The following BRF1 variants were observed in gnomAD, a reference collection of about 807,000 sequenced individuals.
The protein encoded by BRF1 is transcription factor IIIB 90 kDa subunit.
A neutral mutation model predicts 81.7 loss-of-function variants in BRF1; 59 were observed. The ratio of observed to expected loss-of-function variants is 0.72; its 90% CI spans 0.59 to 0.90. BRF1 has a LOEUF of 0.90. BRF1 is among the 40% of genes least tolerant of loss of function. The pLI is 0.00. For synonymous variants in BRF1, 491 were observed against 395.6 expected, an observed-to-expected ratio of 1.24 and a Z score of -2.86; for missense variants, 1,050 against 936.3, an observed-to-expected ratio of 1.12 and a Z score of -1.58.
At chr14:105,241,491 G>T (rs767737609) in intron 5 of BRF1, 77 bp from the exon 6 acceptor site, 1 of 1,577,958 alleles carries the variant, frequency 6.3e-7, no homozygotes, top group Non-Finnish European at 8.6e-7. Flanking sequence ...CAGCCCAGGG[G>T]TGGGGCAACC....
At chr14:105,282,021 AT>A (rs1418694511) in intron 2 of BRF1, among the ~76,000 whole-genome samples, 2 of 152,204 alleles carry the variant, frequency 1.3e-5, no homozygotes, top group African/African-American at 4.8e-5. Flanking sequence ...ACCTAGCGGC[AT>A]TTCAGAACCG....
chr14:105,222,229 T>G (rs960887568), intron 10 of BRF1: 2 of 286,304 alleles, frequency 7.0e-6, no homozygotes, highest in Non-Finnish European at 1.3e-5. Context: ...CATAAAACAC[T>G]GATAAAACGG....
upstream of BRF1, among the ~76,000 whole-genome samples, chr14:105,302,145 TC>T (rs1457158804): frequency 1.4e-5 from 2 of 143,040 alleles, no homozygotes; most frequent in Non-Finnish European, 1.5e-5. Flanking sequence ...AAACTCTGTC[TC>T]AAAAAAAAAA....
intron 3 of BRF1, among the ~76,000 whole-genome samples, chr14:105,264,472 G>A (rs902374006): frequency 6.6e-6 from 1 of 151,844 alleles, no homozygotes; most frequent in Non-Finnish European, 1.5e-5. Flanking sequence ...GGACCATCCT[G>A]GCTAACACAG....
At chr14:105,266,104 T>A (rs906887130) in intron 3 of BRF1, among the ~76,000 whole-genome samples, 1 of 151,878 alleles carries the variant, frequency 6.6e-6, no homozygotes, top group African/African-American at 2.4e-5. Flanking sequence ...AACCGTGTGA[T>A]GTAACGAAAC....
chr14:105,247,854 T>G (rs2055228754), intron 5 of BRF1: 2 of 985,656 alleles, frequency 2.0e-6, no homozygotes, highest in African/African-American at 3.5e-5. Context: ...AAGTCTGGTC[T>G]CCTCATCAGC....
intron 5 of BRF1, chr14:105,241,787 CG>C: frequency 7.7e-6 from 2 of 260,710 alleles, no homozygotes; most frequent in South Asian, 9.9e-5. Flanking sequence ...GCAAGACAGG[CG>C]TGGGCTGGGT....
chr14:105,226,874 C>T (rs938093433), intron 7 of BRF1, 114 bp from the exon 8 acceptor site: 24 of 1,518,654 alleles, frequency 1.6e-5, no homozygotes, highest in Non-Finnish European at 1.4e-5. Flanking sequence ...TTTGGGAGCC[C>T]AAGGTGGGTG....
intron 3 of BRF1, among the ~76,000 whole-genome samples, chr14:105,257,242 A>G (rs2055923688): frequency 6.6e-6 from 1 of 152,214 alleles, no homozygotes. Flanking sequence ...AGACAGCTGA[A>G]GTGCACATCT....
chr14:105,313,293 C>G (rs587623882), intron 1 of BRF1, among the ~76,000 whole-genome samples: 3 of 152,314 alleles, frequency 2.0e-5, no homozygotes, highest in African/African-American at 7.2e-5. Context: ...TCACAGACAG[C>G]CTGTCCTCCT....
rs752677725 is a variant in BRF1, at chr14:105,250,636, G to A, written c.544+1871C>T. 1.9e-6 allele frequency: 3 copies of A among 1,613,076 alleles called. No homozygotes were observed. The African/African-American group carries it at 4.0e-5, about 22-fold the overall frequency. ...ACAGCACCAACGGGACTGGGGTCCA[G>A]GGTGGGCAGATCCCTGAGCTCATTT... On this transcript the variant is annotated intron_variant, in intron 5 of 17. Transcript: ENST00000547530.
Position 105,300,814 on chromosome 14 carries a change from G to C in BRF1, c.-185C>G, listed in dbSNP as rs1056579075. On this transcript the variant is annotated 5_prime_UTR_variant, in exon 1 of 18. Transcript: ENST00000547530. ...GCGCCCGGGCCGCGCCGCCCGCAAC[G>C]GCCGCGCCCGCGGGATGGGACAGGC... 4.8e-5 allele frequency: 11 copies of C among 231,474 alleles called. No individual in the cohort carries two copies. In the South Asian group the frequency reaches 9.9e-4, roughly 21 times the overall value. 14.3% of individuals were successfully genotyped at this position (231,474 alleles called of 1,614,324 possible). A position where few individuals can be genotyped will look rare whatever the true frequency, so the allele number is the denominator to read the frequency against.
chr14:105,226,416 T>C, intron 8 of BRF1, 126 bp from the exon 9 acceptor site: 1 of 1,466,670 alleles, frequency 6.8e-7, no homozygotes, highest in Non-Finnish European at 9.5e-7. Context: ...GCGATGGAGG[T>C]GGAGCTATGG....
intron 6 of BRF1, among the ~76,000 whole-genome samples, chr14:105,229,456 C>A (rs147862491): frequency 6.6e-6 from 1 of 152,302 alleles, no homozygotes; most frequent in Admixed American, 6.5e-5. Flanking sequence ...TCTGTGGGCA[C>A]GAGGGTAAGG....
intron 5 of BRF1, among the ~76,000 whole-genome samples, chr14:105,245,827 A>C (rs923180095): frequency 1.3e-5 from 2 of 152,230 alleles, no homozygotes; most frequent in African/African-American, 4.8e-5. Flanking sequence ...CCTTAGAAGA[A>C]AACAAAGGGA....
chr14:105,287,671 A>C (rs936013928), intron 1 of BRF1, among the ~76,000 whole-genome samples: 15 of 152,232 alleles, frequency 9.9e-5, no homozygotes, highest in Non-Finnish European at 1.5e-4. Flanking sequence ...ATCCAGGGGC[A>C]GCCACCAGCA....
intron 7 of BRF1, among the ~76,000 whole-genome samples, chr14:105,228,535 C>T (rs55848099): frequency 3.4e-5 from 5 of 147,324 alleles, no homozygotes; most frequent in Non-Finnish European, 5.9e-5. Flanking sequence ...CAGAGCAAGG[C>T]TGTTCCTCAA....
chr14:105,250,737 T>G (rs1237436798), intron 5 of BRF1: 4 of 1,478,656 alleles, frequency 2.7e-6, no homozygotes, highest in African/African-American at 2.8e-5. Flanking sequence ...GCTAACTGCT[T>G]CTTGACACCA....
At chr14:105,221,306 T>C (rs905629547) in intron 11 of BRF1, among the ~76,000 whole-genome samples, 1 of 152,152 alleles carries the variant, frequency 6.6e-6, no homozygotes, top group Non-Finnish European at 1.5e-5. Flanking sequence ...CCCCCGACCA[T>C]GTTGGACAAG....
Sources: gnomAD v4.1 joint callset for allele counts (sites outside exome capture counted in the v4.1 genomes callset) on GRCh38, gnomAD v4.1.1 for gene constraint, MANE v1.5 for transcripts, NCBI Gene and HGNC (gene_info 2026-07-23, HGNC 2026-07-21) for gene names.